Variants in TRPM6 observed in about 807,000 individuals in gnomAD.
TRPM6 encodes the protein channel kinase 2.
A neutral mutation model predicts 247.6 loss-of-function variants in TRPM6; 111 were observed. The ratio of observed to expected loss-of-function variants is 0.45; its 90% CI spans 0.38 to 0.52. The LOEUF is 0.52. Among genes scored for constraint, TRPM6 ranks in the 20% least tolerant of loss-of-function variants. TRPM6 has a pLI of 0.00. For synonymous variants in TRPM6, 892 were observed against 853.8 expected (o/e 1.04, Z -0.78); for missense variants, 2,126 against 2,421.5 (o/e 0.88, Z 2.56).
At chr9:74,860,395 C>G (rs1205595335) in intron 1 of TRPM6, among the ~76,000 whole-genome samples, 1 of 151,838 alleles carries the variant, frequency 6.6e-6, no homozygotes, top group Non-Finnish European at 1.5e-5. Flanking sequence ...CCCAGGCATT[C>G]CAGCCTGGCT....
intron 18 of TRPM6, among the ~76,000 whole-genome samples, chr9:74,795,647 T>C (rs547388517): frequency 9.2e-5 from 14 of 152,212 alleles, no homozygotes; most frequent in Non-Finnish European, 2.1e-4. Context: ...CCTTACCTAC[T>C]GACTCCTAAT....
At position 74,739,827 on chromosome 9, in the gene TRPM6, G is replaced by A. The variant is rs866474084; in HGVS notation, c.5383C>T (p.Leu1795Phe). ...VVSTWSEDDILKPGQVFIVKS... is the reference protein window; with the variant it reads ...VVSTWSEDDIFKPGQVFIVKS... ...ACAATGAAAACTTGTCCCGGCTTGA[G>A]AATGTCATCCTCAGACCAAGTGCTG... The change falls in exon 34 of 39, where the codon CTC becomes TTC. Residue 1795 changes from leucine (L) to phenylalanine (F), a missense_variant. Leu to Phe is a conservative substitution (Grantham distance 22). Around this residue, in one of 3 missense-constraint regions of TRPM6, gnomAD observed 327 missense variants for 397.7 expected, o/e 0.82. Coordinates refer to ENST00000360774, the MANE Select transcript of TRPM6 (RefSeq NM_017662.5). The A allele has an allele frequency of 1.2e-6, 2 of 1,614,162 alleles. No homozygotes were observed. The highest frequency in any genetic ancestry group is 3.3e-4 in the Middle Eastern group (2 of 6,062).
chr9:74,797,245 T>G (rs76216518), intron 17 of TRPM6, among the ~76,000 whole-genome samples: 1 of 152,174 alleles, frequency 6.6e-6, no homozygotes, highest in Non-Finnish European at 1.5e-5. Context: ...ATGTTGAATA[T>G]AATGAAAAGG....
At chr9:74,748,330 T>G (rs1334766596) in intron 30 of TRPM6, among the ~76,000 whole-genome samples, 1 of 152,378 alleles carries the variant, frequency 6.6e-6, no homozygotes, top group Middle Eastern at 3.4e-3. Flanking sequence ...TTTATTATAT[T>G]ATGCTCTTTT....
intron 12 of TRPM6, 31 bp downstream of exon 12, chr9:74,812,268 G>T: frequency 1.2e-6 from 2 of 1,612,572 alleles, no homozygotes; most frequent in Non-Finnish European, 1.7e-6. Context: ...GAATCTGGAG[G>T]GAAATGATTG....
intron 6 of TRPM6, among the ~76,000 whole-genome samples, chr9:74,830,700 C>T (rs1829511801): frequency 1.3e-5 from 2 of 151,870 alleles, no homozygotes; most frequent in South Asian, 4.2e-4. Context: ...CCTCAGCCCC[C>T]CAAGTAGCTG....
rs941042950 is a variant in TRPM6, at chr9:74,830,757, T to G, written c.670-2808A>C. Among the ~76,000 whole-genome samples, 423 of 137,302 alleles carry G rather than the reference T, an allele frequency of 3.1e-3. 6 individuals are homozygous for G. Among genetic ancestry groups the G allele is most frequent in the African/African-American group, 0.011 (402 of 36,208 alleles). The allele number at this position is 137,302 out of a possible 152,430, so 90.1% of individuals were successfully genotyped here. ...ATGCCCAGCTAATTTTTGTTTTTTT[T>G]TTTTTTTTTTTTTTTTTTTTTGTAG... On this transcript the variant is annotated intron_variant, in intron 6 of 38. Transcript: ENST00000360774.
At chr9:74,798,411 T>C (rs966761665) in intron 17 of TRPM6, among the ~76,000 whole-genome samples, 5 of 152,164 alleles carry the variant, frequency 3.3e-5, no homozygotes, top group Admixed American at 2.6e-4. Context: ...CCAAAATACG[T>C]GCAATCTTCT....
intron 3 of TRPM6, among the ~76,000 whole-genome samples, chr9:74,853,253 G>A (rs903114782): frequency 6.1e-5 from 9 of 148,084 alleles, no homozygotes; most frequent in Non-Finnish European, 3.0e-5. Context: ...CCCTCCGCCC[G>A]GCAGCCGCCC....
At chr9:74,748,751 G>T (rs1476865691) in intron 30 of TRPM6, among the ~76,000 whole-genome samples, 1 of 152,304 alleles carries the variant, frequency 6.6e-6, no homozygotes, top group African/African-American at 2.4e-5. Context: ...ATGTTTTACA[G>T]TTTATCAAGT....
intron 15 of TRPM6, among the ~76,000 whole-genome samples, chr9:74,802,813 C>G (rs1490194163): frequency 6.6e-6 from 1 of 152,158 alleles, no homozygotes; most frequent in Non-Finnish European, 1.5e-5. Context: ...CATTCTCCAC[C>G]TGATAAATCC....
chr9:74,785,904 T>G lies in TRPM6; in HGVS notation c.2889A>C (p.Ala963=). Residue 963 remains alanine (A), a synonymous_variant, in exon 21 of 39, where the codon GCA becomes GCC. Transcript: ENST00000360774. The part of the protein sequence containing the change: ...LLDFFAVNQH[A]GPYVTMIAKM... ...TTGCAATCATGGTCACATATGGACCTGCATGTTGATTCACAGCAAAGAAGT... is the reference window on the plus strand; with the variant it reads ...TTGCAATCATGGTCACATATGGACCGGCATGTTGATTCACAGCAAAGAAGT... 6.2e-7 allele frequency: 1 copy of G among 1,614,246 alleles called. No individual in the cohort carries two copies. Among genetic ancestry groups the G allele is most frequent in the Non-Finnish European group, 8.5e-7 (1 of 1,180,042 alleles).
intron 36 of TRPM6, 70 bp downstream of exon 36, chr9:74,738,337 C>G (rs901984714): frequency 3.2e-6 from 5 of 1,543,064 alleles, no homozygotes; most frequent in Non-Finnish European, 4.5e-6. Context: ...TATTACCCAT[C>G]CTGGTTCTTG....
chr9:74,747,847 A>G (rs376594206), intron 31 of TRPM6, 42 bp downstream of exon 31: 4 of 1,521,726 alleles, frequency 2.6e-6, no homozygotes, highest in East Asian at 2.3e-5. Context: ...CATTAAAAAG[A>G]TGAAAAAATA....
At position 74,782,700 on chromosome 9, in the gene TRPM6, C is replaced by T; in HGVS notation, c.3073G>A (p.Val1025Ile). 6.2e-7 allele frequency: 1 copy of T among 1,614,220 alleles called. No homozygotes were observed. The change falls in exon 22 of 39, where the codon GTC (valine) becomes ATC (isoleucine). Residue 1025 changes from valine to isoleucine, a missense_variant. Val to Ile is a conservative substitution (Grantham distance 29). Around this residue, in one of 3 missense-constraint regions of TRPM6, gnomAD observed 1,082 missense variants for 1,307.9 expected, o/e 0.83. Transcript: ENST00000360774. Reference sequence around the variant, plus strand: ...ACACCATCTATTTCTCCAGCATAGACTTCTCCGTATATCATCCAGTATGGC... The same window carrying T: ...ACACCATCTATTTCTCCAGCATAGATTTCTCCGTATATCATCCAGTATGGC... ...FEPYWMIYGE[V>I]YAGEIDVCSS...
chr9:74,733,167 A>G (rs189185795), intron 36 of TRPM6, among the ~76,000 whole-genome samples: 5 of 152,018 alleles, frequency 3.3e-5, no homozygotes, highest in Non-Finnish European at 2.9e-5. Context: ...ACGCCACTGC[A>G]TTCAAGCCTG....
chr9:74,864,440 A>G (rs769161282), intron 1 of TRPM6, among the ~76,000 whole-genome samples: 8 of 152,160 alleles, frequency 5.3e-5, no homozygotes, highest in Non-Finnish European at 1.2e-4. Context: ...CTGACACTTG[A>G]TCCGAGAGGG....
intron 7 of TRPM6, among the ~76,000 whole-genome samples, chr9:74,822,813 T>C (rs574344179): frequency 2.6e-4 from 40 of 152,218 alleles, no homozygotes; most frequent in African/African-American, 9.4e-4. Flanking sequence ...TACAGAATAA[T>C]ATGCACAGTA....
Position 74,840,111 on chromosome 9 carries a change from A to C in TRPM6, c.457T>G (p.Ser153Ala), listed in dbSNP as rs1352948834. ...TGGCTGAAAATCTCTTTAAATTTAG[A>C]GGGCATAGTAAAGTTCTGGATGCCC... is the stretch of plus-strand genomic sequence containing the variant. ...HGGIQNFTMP[S>A]KFKEIFSQGL... is the part of the protein sequence containing the mutation. Residue 153 changes from serine (S) to alanine (A), a missense_variant, in exon 5 of 39, where the codon TCT becomes GCT. Ser to Ala is a moderately conservative substitution (Grantham distance 99). This residue lies in a region of TRPM6 where 1,082 missense variants were observed against 1,307.9 expected (regional missense o/e 0.83). Coordinates refer to ENST00000360774, the MANE Select transcript of TRPM6 (RefSeq NM_017662.5). 1 of 1,614,086 alleles carries C rather than the reference A, an allele frequency of 6.2e-7. No homozygotes were observed.
Sources: gnomAD v4.1 joint callset for allele counts (sites outside exome capture counted in the v4.1 genomes callset) on GRCh38, gnomAD v4.1.1 for gene constraint, gnomAD v4.1.1 regional missense constraint, MANE v1.5 for transcripts, NCBI Gene and HGNC (gene_info 2026-07-23, HGNC 2026-07-21) for gene names.